The following VWA3B variants were observed in gnomAD, a reference collection of about 807,000 sequenced individuals.
The protein encoded by VWA3B is von Willebrand factor A domain-containing protein 3B.
VWA3B carries 138 observed loss-of-function variants against 158.3 expected under a neutral mutation model. The ratio of observed to expected loss-of-function variants is 0.87; its 90% confidence interval spans 0.76 to 1.00. The LOEUF (loss-of-function observed/expected upper bound fraction) is 1.00, where lower values mean the gene tolerates loss of function less well. Ranked by LOEUF, VWA3B falls within the 50% of genes least tolerant of loss-of-function variation. The pLI, the probability that VWA3B is intolerant of heterozygous loss-of-function variation, is 0.00. For missense variants in VWA3B, 1,555 were observed against 1,565.1 expected (o/e 0.99, Z 0.11); for synonymous variants, 596 against 587.3 (o/e 1.01, Z -0.21).
At chr2:98,264,710 C>T (rs1010495154) in intron 21 of VWA3B, among the ~76,000 whole-genome samples, 8 of 152,202 alleles carry the variant, frequency 5.3e-5, no homozygotes, top group Middle Eastern at 3.4e-3. Flanking sequence ...GGGTTCTCCA[C>T]ATGTTGGTTA....
intron 22 of VWA3B, among the ~76,000 whole-genome samples, chr2:98,276,353 G>A (rs1395309298): frequency 1.3e-5 from 2 of 152,158 alleles, no homozygotes; most frequent in African/African-American, 4.8e-5. Context: ...AGGTTTCAAG[G>A]CCTTCTGAGA....
At chr2:98,157,538 C>T (rs992280818) in intron 7 of VWA3B, among the ~76,000 whole-genome samples, 1 of 152,214 alleles carries the variant, frequency 6.6e-6, no homozygotes, top group African/African-American at 2.4e-5. Context: ...ACCAGATCCT[C>T]ATGGTAATTT....
intron 7 of VWA3B, among the ~76,000 whole-genome samples, chr2:98,147,887 T>C (rs1332572964): frequency 7.0e-6 from 1 of 142,136 alleles, no homozygotes; most frequent in Non-Finnish European, 1.5e-5. Context: ...TGTGTGATGT[T>C]CCCCTTCCTG....
rs530870415 is a variant in VWA3B, at chr2:98,150,655, G to C, written c.989-12196G>C. 8.5e-5 allele frequency among the ~76,000 whole-genome samples: 13 copies of C among 152,324 alleles called. No individual in the cohort carries two copies. In the East Asian group the frequency reaches 2.5e-3, roughly 29 times the overall value. On this transcript the variant is annotated intron_variant, in intron 7 of 27. Transcript: ENST00000477737. ...TTTCTGTGAACTTCTAGAGCAGGAG[G>C]CATACTCTTCTATTCCCATCACCCT...
rs757855456 is a variant in VWA3B, at chr2:98,312,217, C to G, written c.3753C>G (p.Phe1251Leu). 2 of 1,614,092 alleles carry G rather than the reference C, an allele frequency of 1.2e-6. No homozygotes were observed. Among genetic ancestry groups the G allele is most frequent in the Non-Finnish European group, 1.7e-6 (2 of 1,180,046 alleles). Residue 1251 changes from phenylalanine (F) to leucine (L), a missense_variant, in exon 28 of 28, where the codon TTC (phenylalanine) becomes TTG (leucine). Physicochemically the swap from Phe to Leu is conservative, Grantham distance 22. Coordinates refer to ENST00000477737, the MANE Select transcript of VWA3B (RefSeq NM_144992.5). Reference sequence around the variant, plus strand: ...TTCCCCAGACAGCCCACCTCCACTTCCCCGCGGCCGGGCGTCTAGGACTCA... The same window carrying G: ...TTCCCCAGACAGCCCACCTCCACTTGCCCGCGGCCGGGCGTCTAGGACTCA... ...HPEPRTAHLH[F>L]PAAGRLGLSS...
intron 8 of VWA3B, among the ~76,000 whole-genome samples, chr2:98,166,732 G>A (rs1045836613): frequency 6.6e-6 from 1 of 150,976 alleles, no homozygotes; most frequent in East Asian, 1.9e-4. Flanking sequence ...ATTCCTAAAG[G>A]AAACAGATGA....
chr2:98,317,851 C>T (rs1574339698), downstream of VWA3B, among the ~76,000 whole-genome samples: 3 of 152,290 alleles, frequency 2.0e-5, no homozygotes, highest in Admixed American at 2.0e-4. Context: ...CAGAATAAAT[C>T]TCTACAAATA....
intron 2 of VWA3B, among the ~76,000 whole-genome samples, chr2:98,097,848 C>T (rs1208651027): frequency 1.3e-5 from 2 of 152,018 alleles, no homozygotes; most frequent in African/African-American, 4.8e-5. Context: ...TTGCATTTCT[C>T]CAGTGATTAA....
At chr2:98,114,730 T>A (rs892144258) in intron 2 of VWA3B, among the ~76,000 whole-genome samples, 1 of 152,206 alleles carries the variant, frequency 6.6e-6, no homozygotes, top group African/African-American at 2.4e-5. Flanking sequence ...AAATCCTAGC[T>A]AGTCTTTGAA....
chr2:98,182,682 G>A (rs1340937606), intron 9 of VWA3B, among the ~76,000 whole-genome samples: 4 of 152,186 alleles, frequency 2.6e-5, no homozygotes, highest in East Asian at 1.9e-4. Context: ...CACTTTGGGA[G>A]GCCAAGGCGG....
At chr2:98,183,353 C>G (rs1037713688) in intron 9 of VWA3B, among the ~76,000 whole-genome samples, 28 of 152,232 alleles carry the variant, frequency 1.8e-4, no homozygotes, top group Non-Finnish European at 3.4e-4. Flanking sequence ...AGGGTTCCCC[C>G]AGACTCCCAC....
chr2:98,295,160 C>T (rs28608503), intron 23 of VWA3B, among the ~76,000 whole-genome samples: 1,743 of 151,822 alleles, frequency 0.011, 41 homozygotes, highest in African/African-American at 0.04. Context: ...GAAGCGGACA[C>T]GAGGACTGTG....
At chr2:98,132,939 G>A (rs1675991115) in intron 6 of VWA3B, among the ~76,000 whole-genome samples, 1 of 152,214 alleles carries the variant, frequency 6.6e-6, no homozygotes, top group African/African-American at 2.4e-5. Flanking sequence ...TCCATCCTGA[G>A]CGGTGCTTGG....
intron 7 of VWA3B, among the ~76,000 whole-genome samples, chr2:98,142,221 C>T (rs1335336147): frequency 2.0e-5 from 3 of 152,172 alleles, no homozygotes; most frequent in Admixed American, 1.3e-4. Context: ...CAGCTCTCTG[C>T]TGCTCCCGTG....
chr2:98,217,086 C>T (rs1684090346), intron 13 of VWA3B: 1 of 809,114 alleles, frequency 1.2e-6, no homozygotes, highest in Non-Finnish European at 1.7e-6. Flanking sequence ...TGGGGGTTCC[C>T]CTCAATGGCA....
chr2:98,309,719 T>C (rs2106021182), intron 26 of VWA3B, among the ~76,000 whole-genome samples: 1 of 152,350 alleles, frequency 6.6e-6, no homozygotes, highest in South Asian at 2.1e-4. Context: ...GCCTCTGACA[T>C]TACGTCAGAT....
chr2:98,129,226 T>A (rs13387126), intron 6 of VWA3B, among the ~76,000 whole-genome samples: 11,350 of 54,718 alleles, frequency 0.21, 673 homozygotes, highest in African/African-American at 0.42. Context: ...AGAGAGAGAG[T>A]GTGTGTGTGT....
chr2:98,150,777 C>A (rs1026422050), intron 7 of VWA3B, among the ~76,000 whole-genome samples: 2 of 152,214 alleles, frequency 1.3e-5, no homozygotes, highest in African/African-American at 4.8e-5. Flanking sequence ...TTCGATTCAT[C>A]TCCGCACCAT....
chr2:98,327,866 A>G, the VWA3B span, among the ~76,000 whole-genome samples: 66,918 of 152,016 alleles, frequency 0.44, 15,122 homozygotes, highest in Non-Finnish European at 0.5. Context: ...TGTGTGCTTC[A>G]CGTACCCCAC....
Sources: allele counts gnomAD v4.1 joint callset (sites outside exome capture counted in the v4.1 genomes callset), GRCh38; gene constraint gnomAD v4.1.1; transcripts MANE v1.5; gene names NCBI Gene and HGNC (gene_info 2026-07-23, HGNC 2026-07-21).